PCDH15: variants seen among roughly 807,000 people sequenced by gnomAD.
The protein encoded by PCDH15 is protocadherin-15.
In PCDH15, 129 loss-of-function variants were observed where a neutral mutation model predicts 178.5. The ratio of observed to expected loss-of-function variants is 0.72; its 90% CI spans 0.63 to 0.84. The LOEUF (loss-of-function observed/expected upper bound fraction) is 0.84, where lower values mean the gene tolerates loss of function less well. PCDH15 is among the 40% of genes least tolerant of loss of function. PCDH15 has a pLI of 0.00. For synonymous variants in PCDH15, 800 were observed against 732.0 expected, an observed-to-expected ratio of 1.09 and a Z score of -1.50; for missense variants, 2,230 against 2,099.9, an observed-to-expected ratio of 1.06 and a Z score of -1.21.
chr10:54,531,454 C>T (rs2083917417), intron 2 of PCDH15, among the ~76,000 whole-genome samples: 1 of 152,064 alleles, frequency 6.6e-6, no homozygotes, highest in African/African-American at 2.4e-5. Flanking sequence ...AATGACTGAT[C>T]TCACAGATAC....
intron 8 of PCDH15, among the ~76,000 whole-genome samples, chr10:54,246,475 G>A (rs2055939222): frequency 6.6e-6 from 1 of 151,788 alleles, no homozygotes; most frequent in Non-Finnish European, 1.5e-5. Flanking sequence ...TGATATGTAT[G>A]AGTGTAAGAT....
intron 2 of PCDH15, among the ~76,000 whole-genome samples, chr10:55,621,110 C>T (rs1211668528): frequency 2.0e-5 from 3 of 151,888 alleles, no homozygotes; most frequent in Admixed American, 6.6e-5. Flanking sequence ...TTGCTAAACT[C>T]AATTTTTACT....
chr10:55,077,519 T>TTTCC lies in PCDH15; in HGVS notation c.-80+89053_-80+89056dup, dbSNP rs1210400961. 1.0e-4 allele frequency among the ~76,000 whole-genome samples: 15 copies of TTTCC among 148,146 alleles called. 1 individual carries two copies. The highest frequency in any genetic ancestry group is 7.4e-4 in the Admixed American group (11 of 14,806). On this transcript the variant is annotated intron_variant, in intron 2 of 5. Coordinates refer to the PCDH15 transcript ENST00000458638. Reference sequence around the variant, plus strand: ...TTTCCTTTCCTTCCTTCCTTCCTTCTTTCCTTCCTTCCTTCCTTTCCTTTC... The same window carrying TTTCC: ...TTTCCTTTCCTTCCTTCCTTCCTTCTTTCCTTCCTTCCTTCCTTCCTTTCCTTTC...
At chr10:54,896,192 T>C (rs1006306657) in intron 3 of PCDH15, among the ~76,000 whole-genome samples, 1 of 152,162 alleles carries the variant, frequency 6.6e-6, no homozygotes, top group African/African-American at 2.4e-5. Flanking sequence ...GGAGTACTTT[T>C]AAAGAAACAA....
intron 2 of PCDH15, among the ~76,000 whole-genome samples, chr10:55,441,075 A>G (rs562973350): frequency 3.3e-5 from 5 of 152,268 alleles, no homozygotes; most frequent in Admixed American, 6.5e-5. Context: ...CAGCCAAACC[A>G]TATCAGGGCA....
intron 2 of PCDH15, among the ~76,000 whole-genome samples, chr10:55,474,190 A>G (rs1036388229): frequency 7.2e-5 from 11 of 152,220 alleles, no homozygotes; most frequent in Non-Finnish European, 1.3e-4. Flanking sequence ...AGTAAAAACT[A>G]TAAGAAATAT....
intron 1 of PCDH15, among the ~76,000 whole-genome samples, chr10:54,761,989 G>A (rs982520300): frequency 1.3e-5 from 2 of 152,196 alleles, no homozygotes; most frequent in Non-Finnish European, 2.9e-5. Context: ...CCTAACATTA[G>A]TCTAAACATA....
intron 1 of PCDH15, among the ~76,000 whole-genome samples, chr10:54,786,740 T>A (rs1950911243): frequency 6.6e-6 from 1 of 151,918 alleles, no homozygotes; most frequent in Non-Finnish European, 1.5e-5. Flanking sequence ...CGTAGTTTCT[T>A]ATCATTTAGT....
chr10:54,315,615 C>T (rs773155150), intron 8 of PCDH15, among the ~76,000 whole-genome samples: 6 of 152,164 alleles, frequency 3.9e-5, no homozygotes, highest in South Asian at 2.1e-4. Flanking sequence ...TGCCTTTGTC[C>T]TGAATAGTAT....
intron 21 of PCDH15, among the ~76,000 whole-genome samples, chr10:53,988,420 C>A (rs145952556): frequency 6.6e-6 from 1 of 152,192 alleles, no homozygotes; most frequent in Non-Finnish European, 1.5e-5. Context: ...GTTTTGAAAT[C>A]ATTTAAAATT....
intron 26 of PCDH15, among the ~76,000 whole-genome samples, chr10:53,886,594 T>A (rs2081113136): frequency 9.6e-6 from 1 of 104,528 alleles, no homozygotes; most frequent in African/African-American, 3.9e-5. Flanking sequence ...CATGTATGCC[T>A]CTTTTTTTTT....
At chr10:53,985,216 A>G (rs1015946429) in intron 21 of PCDH15, among the ~76,000 whole-genome samples, 19 of 152,232 alleles carry the variant, frequency 1.2e-4, no homozygotes, top group African/African-American at 4.1e-4. Context: ...CTTAAAAAAA[A>G]AACTTTATAT....
intron 2 of PCDH15, among the ~76,000 whole-genome samples, chr10:55,503,986 A>T (rs938682415): frequency 1.3e-5 from 2 of 151,532 alleles, no homozygotes; most frequent in Non-Finnish European, 3.0e-5. Context: ...AAAACTATAC[A>T]GAATGTAAAA....
chr10:54,880,981 C>T lies in PCDH15; in HGVS notation c.-29+16469G>A, dbSNP rs573202075. Reference sequence around the variant, plus strand: ...AAAGAATACTCCTGTAGGTTCTCTCCAATAATATTTTACATCTGAGATAAA... The same window carrying T: ...AAAGAATACTCCTGTAGGTTCTCTCTAATAATATTTTACATCTGAGATAAA... On this transcript the variant is annotated intron_variant, in intron 3 of 5. Coordinates refer to the PCDH15 transcript ENST00000458638. Among the ~76,000 whole-genome samples the T allele has an allele frequency of 8.6e-5, 13 of 151,802 alleles. No individual in the cohort carries two copies. The East Asian group carries it at 2.3e-3, about 27-fold the overall frequency.
At chr10:54,166,216 C>G (rs1479652667) in intron 13 of PCDH15, among the ~76,000 whole-genome samples, 1 of 152,194 alleles carries the variant, frequency 6.6e-6, no homozygotes, top group East Asian at 1.9e-4. Context: ...TCCCCACTCA[C>G]TTTTGATGAA....
In PCDH15 at chr10:55,192,723, C is replaced by T. The variant is rs537548405; in HGVS notation, c.-155-26072G>A. On this transcript the variant is annotated intron_variant, in intron 1 of 5. Coordinates refer to the PCDH15 transcript ENST00000458638. ...TTCTGAGTTTCATAGATGAAAGAAT[C>T]TCTCTCTCTCTCTCTCTCTATATAT... Among the ~76,000 whole-genome samples the T allele has an allele frequency of 6.5e-3, 934 of 143,654 alleles. 15 individuals carry two copies. The highest frequency in any genetic ancestry group is 0.02 in the South Asian group (94 of 4,712). The allele number at this position is 143,654 out of a possible 152,430, so 94.2% of individuals were successfully genotyped here.
intron 1 of PCDH15, among the ~76,000 whole-genome samples, chr10:55,301,778 C>T (rs932402810): frequency 3.9e-5 from 6 of 152,074 alleles, no homozygotes. Flanking sequence ...ACTTTTGAGA[C>T]TTCTGTTGAA....
chr10:54,249,339 A>G (rs566719807), intron 8 of PCDH15, among the ~76,000 whole-genome samples: 2 of 152,232 alleles, frequency 1.3e-5, no homozygotes, highest in East Asian at 3.9e-4. Flanking sequence ...TTTCCTCTTC[A>G]GTAGTGTGTA....
At chr10:53,892,451 A>G (rs2081637817) in intron 26 of PCDH15, among the ~76,000 whole-genome samples, 1 of 152,206 alleles carries the variant, frequency 6.6e-6, no homozygotes, top group Non-Finnish European at 1.5e-5. Flanking sequence ...ATTCAAATTA[A>G]TAGGCATAAA....
Sources: allele counts gnomAD v4.1 joint callset (sites outside exome capture counted in the v4.1 genomes callset), GRCh38; gene constraint gnomAD v4.1.1; transcripts MANE v1.5; gene names NCBI Gene and HGNC (gene_info 2026-07-23, HGNC 2026-07-21).